TRIM2: variants seen among roughly 807,000 people sequenced by gnomAD.
The protein encoded by TRIM2 is tripartite motif-containing protein 2.
TRIM2 carries 20 observed loss-of-function variants against 75.2 expected under a neutral mutation model. The ratio of observed to expected loss-of-function variants is 0.27; its 90% CI spans 0.19 to 0.39. The LOEUF (loss-of-function observed/expected upper bound fraction) is 0.39, where lower values mean the gene tolerates loss of function less well. TRIM2 is among the 10% of genes least tolerant of loss of function. The pLI, the probability that TRIM2 is intolerant of heterozygous loss-of-function variation, is 1.00. For missense variants in TRIM2, 660 were observed against 990.8 expected, an observed-to-expected ratio of 0.67 and a Z score of 4.48; for synonymous variants, 373 against 388.3, an observed-to-expected ratio of 0.96 and a Z score of 0.46.
chr4:153,334,986 C>T lies in TRIM2; in HGVS notation c.*20C>T, dbSNP rs756843619. On this transcript the variant is annotated 3_prime_UTR_variant, in exon 12 of 12. Coordinates refer to ENST00000338700, the MANE Select transcript of TRIM2 (RefSeq NM_015271.5). ...CAGTAATGGTGGGCAGGTGGATACC[C>T]GCTTCCATGGTCTTGCACTATAAAC... The T allele has an allele frequency of 1.3e-5, 21 of 1,602,282 alleles. No homozygotes were observed. Among genetic ancestry groups the T allele is most frequent in the Admixed American group, 1.0e-4 (6 of 58,768 alleles).
At chr4:153,242,341 C>T (rs555907906) in intron 1 of TRIM2, among the ~76,000 whole-genome samples, 52 of 150,436 alleles carry the variant, frequency 3.5e-4, no homozygotes, top group Non-Finnish European at 7.1e-4. Flanking sequence ...CTTTCCTATT[C>T]CCAGGAGTCT....
upstream of TRIM2, among the ~76,000 whole-genome samples, chr4:153,203,435 A>ACACACAC (rs1239328811): frequency 1.3e-5 from 2 of 151,244 alleles, no homozygotes; most frequent in African/African-American, 4.9e-5. Context: ...ACACACACGA[A>ACACACAC]GAAGAACATA....
chr4:153,242,365 A>C (rs1351155003), intron 1 of TRIM2, among the ~76,000 whole-genome samples: 2 of 150,994 alleles, frequency 1.3e-5, no homozygotes, highest in African/African-American at 4.9e-5. Context: ...TTCTCTGTGA[A>C]TCCCCCTCTA....
chr4:153,305,859 C>A (rs991610963), intron 6 of TRIM2, among the ~76,000 whole-genome samples: 2 of 152,140 alleles, frequency 1.3e-5, no homozygotes, highest in East Asian at 3.9e-4. Flanking sequence ...TAGCAGAGAT[C>A]AAAAGTTTAA....
At chr4:153,288,846 C>T (rs1479284471) in intron 3 of TRIM2, among the ~76,000 whole-genome samples, 2 of 151,594 alleles carry the variant, frequency 1.3e-5, no homozygotes, top group Non-Finnish European at 2.9e-5. Flanking sequence ...CCTTCTTCTT[C>T]CTGCTTGAAT....
rs746584346 is a variant in TRIM2 at position 153,275,497 on chromosome 4, G to T, written c.216-396G>T. The stretch of plus-strand genomic sequence containing the variant: ...ATTTATGAGCCCACTGCTAGATATT[G>T]TGGGCCAGTGCTTCTCAAACTTTAA... On this transcript the variant is annotated intron_variant, in intron 2 of 11. Transcript: ENST00000338700. Among the ~76,000 whole-genome samples, 4 of 152,210 alleles carry T rather than the reference G, an allele frequency of 2.6e-5. No homozygotes were observed. In the East Asian group the frequency reaches 7.7e-4, roughly 29 times the overall value.
intron 1 of TRIM2, among the ~76,000 whole-genome samples, chr4:153,172,988 C>T (rs1290768185): frequency 6.6e-6 from 1 of 152,166 alleles, no homozygotes; most frequent in African/African-American, 2.4e-5. Context: ...AACCTGGGCA[C>T]AGTGCAAAAT....
chr4:153,163,493 A>AT (rs1390228832), intron 1 of TRIM2, among the ~76,000 whole-genome samples: 62 of 80,908 alleles, frequency 7.7e-4, no homozygotes, highest in South Asian at 3.2e-3. Flanking sequence ...CTAGATTTAC[A>AT]TCTTTTTTTT....
intron 6 of TRIM2, among the ~76,000 whole-genome samples, chr4:153,310,701 T>C (rs1266720483): frequency 6.6e-6 from 1 of 152,192 alleles, no homozygotes; most frequent in Non-Finnish European, 1.5e-5. Flanking sequence ...AATCAGGAGA[T>C]GTTACCAGGA....
At chr4:153,188,546 C>T (rs1482814551) in intron 1 of TRIM2, among the ~76,000 whole-genome samples, 3 of 152,192 alleles carry the variant, frequency 2.0e-5, no homozygotes, top group Non-Finnish European at 4.4e-5. Flanking sequence ...CCCTGGGGTT[C>T]CCTGAGGGAT....
intron 3 of TRIM2, among the ~76,000 whole-genome samples, chr4:153,290,434 C>G (rs1480302084): frequency 1.3e-5 from 2 of 152,088 alleles, no homozygotes; most frequent in Non-Finnish European, 2.9e-5. Context: ...TGGGGAAATC[C>G]CTTGGAAGTA....
chr4:153,211,488 C>CTTTT (rs112668688), intron 1 of TRIM2, among the ~76,000 whole-genome samples: 2 of 135,038 alleles, frequency 1.5e-5, no homozygotes, highest in African/African-American at 2.9e-5. Flanking sequence ...TTTTCTTTTT[C>CTTTT]TTTTTTTTTT....
Position 153,334,930 on chromosome 4 carries a change from A to G in TRIM2, c.2280A>G (p.Gly760=), listed in dbSNP as rs1772273348. Residue 760 remains glycine (G), a synonymous_variant, in exon 12 of 12, where the codon GGA becomes GGG. Coordinates refer to ENST00000338700, the MANE Select transcript of TRIM2 (RefSeq NM_015271.5). The part of the protein sequence containing the change: ...SDGHVVVADS[G]NHCFKVYRYL... ...GTCATGTTGTGGTTGCAGACTCTGG[A>G]AATCACTGTTTCAAAGTCTATCGAT... 1.2e-6 allele frequency: 2 copies of G among 1,613,812 alleles called. No homozygotes were observed. The highest frequency in any genetic ancestry group is 1.3e-5 in the African/African-American group (1 of 74,910).
At chr4:153,172,016 G>A (rs1356950600) in intron 1 of TRIM2, among the ~76,000 whole-genome samples, 1 of 151,814 alleles carries the variant, frequency 6.6e-6, no homozygotes, top group African/African-American at 2.4e-5. Context: ...TATTCAAATT[G>A]ATTACCTCAA....
intron 3 of TRIM2, among the ~76,000 whole-genome samples, chr4:153,287,184 T>A (rs1182866944): frequency 2.0e-5 from 3 of 152,102 alleles, no homozygotes; most frequent in Non-Finnish European, 4.4e-5. Flanking sequence ...CTCACTATGT[T>A]TTTCAAGCTG....
In TRIM2 at chr4:153,335,540, TG is replaced by T. The variant is rs1404729204; in HGVS notation, c.*576del. On this transcript the variant is annotated 3_prime_UTR_variant, in exon 12 of 12. Coordinates refer to ENST00000338700, the MANE Select transcript of TRIM2 (RefSeq NM_015271.5). ...ATCCCAGCTCTGATTAGCAGCCCTC[TG>T]GAGTTCAGAACTTAAGTATCAGTGC... The T allele has an allele frequency of 2.1e-5, 21 of 985,304 alleles. No homozygotes were observed. In the African/African-American group the frequency reaches 3.7e-4, roughly 17 times the overall value. The allele number at this position is 985,304 out of a possible 1,614,324, so 61.0% of individuals were successfully genotyped here. A position where few individuals can be genotyped will look rare whatever the true frequency, so the allele number is the denominator to read the frequency against.
intron 1 of TRIM2, among the ~76,000 whole-genome samples, chr4:153,223,982 T>C (rs2149774770): frequency 6.6e-6 from 1 of 152,314 alleles, no homozygotes; most frequent in South Asian, 2.1e-4. Context: ...TCAATATTTT[T>C]AGAATGTAGT....
chr4:153,267,555 G>A (rs957585808), intron 1 of TRIM2, among the ~76,000 whole-genome samples: 3 of 152,184 alleles, frequency 2.0e-5, no homozygotes, highest in African/African-American at 7.2e-5. Flanking sequence ...GGGAGGCTGA[G>A]GCAGAGAATG....
intron 1 of TRIM2, among the ~76,000 whole-genome samples, chr4:153,217,933 A>C (rs1370229490): frequency 2.6e-5 from 4 of 152,218 alleles, no homozygotes. Flanking sequence ...AATGTTCAAC[A>C]TCACCAATGA....
Sources: allele counts gnomAD v4.1 joint callset (sites outside exome capture counted in the v4.1 genomes callset), GRCh38; gene constraint gnomAD v4.1.1; transcripts MANE v1.5; gene names NCBI Gene and HGNC (gene_info 2026-07-23, HGNC 2026-07-21).